The following BCKDHA variants were observed in gnomAD, a reference collection of about 807,000 sequenced individuals.
BCKDHA encodes the protein branched chain keto acid dehydrogenase E1 subunit alpha, also known as 2-oxoisovalerate dehydrogenase subunit alpha, mitochondrial.
Under a neutral mutation model 52.2 loss-of-function variants are expected in BCKDHA, and 43 were observed. The ratio of observed to expected loss-of-function variants is 0.82; its 90% CI spans 0.64 to 1.06. The LOEUF (loss-of-function observed/expected upper bound fraction) is 1.06. Ranked by LOEUF, BCKDHA falls within the 50% of genes least tolerant of loss-of-function variation. The probability of loss-of-function intolerance (pLI) is 0.00; values close to 1 mark genes in which losing one functional copy is unlikely to be tolerated. For missense variants in BCKDHA, 527 were observed against 621.3 expected, an observed-to-expected ratio of 0.85 and a Z score of 1.61; for synonymous variants, 234 against 247.9, an observed-to-expected ratio of 0.94 and a Z score of 0.53.
chr19:41,399,864 C>T (rs1313072042), intron 1 of BCKDHA: 2 of 151,964 alleles, frequency 1.3e-5, no homozygotes, highest in African/African-American at 2.4e-5. Context: ...TGACTTACTG[C>T]AATCTCTGCC....
chr19:41,409,862 G>C (rs183261880), intron 1 of BCKDHA, among the ~76,000 whole-genome samples: 42 of 145,110 alleles, frequency 2.9e-4, no homozygotes, highest in Middle Eastern at 3.7e-3. Flanking sequence ...GTGCTATGGC[G>C]CAATCTCGGC....
rs574763465 is a variant in BCKDHA at position 41,418,348 on chromosome 19, T to C, written c.485-787T>C. Among the ~76,000 whole-genome samples, 200 of 152,244 alleles carry C rather than the reference T, an allele frequency of 1.3e-3. 3 individuals are homozygous for C. Among genetic ancestry groups the C allele is most frequent in the African/African-American group, 4.5e-3 (185 of 41,540 alleles). On this transcript the variant is annotated intron_variant, in intron 4 of 8. Coordinates refer to ENST00000269980, the MANE Select transcript of BCKDHA (RefSeq NM_000709.4). ...TGTCTGAGGGCAATCACAAACCCCC[T>C]TCTGTCTTCTAACTTCGGAGGAAGG...
rs886042356 is a variant in BCKDHA, at chr19:41,419,215, C to T, written c.565C>T (p.Arg189Cys). 10 of 1,614,104 alleles carry T rather than the reference C, an allele frequency of 6.2e-6. No individual in the cohort carries two copies. The highest frequency in any genetic ancestry group is 1.6e-4 in the Middle Eastern group (1 of 6,084). ...YGNISDLGKG[R>C]QMPVHYGCKE... ...CAACATCAGTGACTTGGGCAAGGGG[C>T]GCCAGATGCCTGTCCACTACGGCTG... is the stretch of plus-strand genomic sequence containing the variant. Residue 189 changes from arginine to cysteine, a missense_variant, in exon 5 of 9, where the codon CGC becomes TGC. Arg to Cys is a radical substitution (Grantham distance 180, BLOSUM62 -3). Coordinates refer to ENST00000269980, the MANE Select transcript of BCKDHA (RefSeq NM_000709.4).
chr19:41,423,619 G>A lies in BCKDHA; in HGVS notation c.1167+450G>A, dbSNP rs538508939. ...GGCCAAGGCGGACAGATCACCTGAG[G>A]TCGGGAGTTTGAGACCAGCCTGGCC... On this transcript the variant is annotated intron_variant, in intron 8 of 8. Coordinates refer to ENST00000269980, the MANE Select transcript of BCKDHA (RefSeq NM_000709.4). Among the ~76,000 whole-genome samples, 42 of 152,328 alleles carry A rather than the reference G, an allele frequency of 2.8e-4. 1 individual carries two copies. In the South Asian group the frequency reaches 8.3e-3, roughly 30 times the overall value.
chr19:41,416,598 G>T (rs758085270), intron 4 of BCKDHA, among the ~76,000 whole-genome samples: 34 of 152,200 alleles, frequency 2.2e-4, no homozygotes, highest in Non-Finnish European at 3.2e-4. Flanking sequence ...CACTGGCAGG[G>T]AGTGGCGCCC....
At chr19:41,399,227 A>G (rs2039109763) in intron 1 of BCKDHA, 1 of 152,102 alleles carries the variant, frequency 6.6e-6, no homozygotes, top group Non-Finnish European at 1.5e-5. Flanking sequence ...AGGACGTAGT[A>G]GGTATCTAGG....
At chr19:41,419,045 C>CT in intron 4 of BCKDHA, 90 bp from the exon 5 acceptor site, 1 of 1,492,414 alleles carries the variant, frequency 6.7e-7, no homozygotes, top group South Asian at 1.1e-5. Flanking sequence ...GCTTTCCTGT[C>CT]TGCCTGCCAG....
rs1025903374 is a variant in BCKDHA, at chr19:41,423,234, T to C, written c.1167+65T>C. Reference sequence around the variant, plus strand: ...TGCGGCCTGCAGAGCTTGGGAAGGATTTGTGGAACACCGAACTGGGAGGCT... The same window carrying C: ...TGCGGCCTGCAGAGCTTGGGAAGGACTTGTGGAACACCGAACTGGGAGGCT... On this transcript the variant is annotated intron_variant, in intron 8 of 8. Coordinates refer to ENST00000269980, the MANE Select transcript of BCKDHA (RefSeq NM_000709.4). 4.5e-6 allele frequency: 7 copies of C among 1,542,860 alleles called. No homozygotes were observed. The African/African-American group carries it at 6.9e-5, about 15-fold the overall frequency.
intron 4 of BCKDHA, among the ~76,000 whole-genome samples, chr19:41,417,651 G>A (rs889933846): frequency 1.3e-4 from 20 of 152,322 alleles, no homozygotes; most frequent in African/African-American, 4.6e-4. Context: ...TGGGCTGGGC[G>A]TGGTGGCTCA....
chr19:41,419,178 C>A lies in BCKDHA; in HGVS notation c.528C>A (p.Ala176=), dbSNP rs755611354. Reference sequence around the variant, plus strand: ...ACTACCCCCTGGAACTATTCATGGCCCAGTGCTATGGCAACATCAGTGACT... The same window carrying A: ...ACTACCCCCTGGAACTATTCATGGCACAGTGCTATGGCAACATCAGTGACT... ...YRDYPLELFM[A]QCYGNISDLG... The change falls in exon 5 of 9, where the codon GCC becomes GCA. Residue 176 remains alanine (A), a synonymous_variant. Transcript: ENST00000269980. The A allele has an allele frequency of 2.4e-5, 39 of 1,614,100 alleles. No individual in the cohort carries two copies. The highest frequency in any genetic ancestry group is 1.6e-4 in the Middle Eastern group (1 of 6,084).
At chr19:41,404,391 G>A (rs2039170598) in intron 1 of BCKDHA, among the ~76,000 whole-genome samples, 3 of 151,864 alleles carry the variant, frequency 2.0e-5, no homozygotes, top group Admixed American at 6.6e-5. Flanking sequence ...CCAGGTTGAC[G>A]CCATTCTCCT....
Position 41,406,523 on chromosome 19 carries a change from G to A in BCKDHA, c.109-4114G>A, listed in dbSNP as rs992032021. On this transcript the variant is annotated intron_variant, in intron 1 of 8. Coordinates refer to ENST00000269980, the MANE Select transcript of BCKDHA (RefSeq NM_000709.4). ...AGCCATCCTCTCACCTCAGCCTCCC[G>A]CAACTCCAGTATCTGGACTACATGT... is the stretch of plus-strand genomic sequence containing the variant. Among the ~76,000 whole-genome samples, 5 of 149,596 alleles carry A rather than the reference G, an allele frequency of 3.3e-5. No individual in the cohort carries two copies. In the East Asian group the frequency reaches 5.9e-4, roughly 18 times the overall value.
Position 41,422,288 on chromosome 19 carries a change from G to A in BCKDHA, c.771G>A (p.Glu257=). The A allele has an allele frequency of 6.2e-7, 1 of 1,614,238 alleles. No individual in the cohort carries two copies. The highest frequency in any genetic ancestry group is 8.5e-7 in the Non-Finnish European group (1 of 1,180,030). The part of the protein sequence containing the change: ...HAGFNFAATL[E]CPIIFFCRNN... ...GCTTCAACTTCGCTGCCACACTTGA[G>A]TGCCCCATCATCTTCTTCTGCCGGA... The change falls in exon 6 of 9, where the codon GAG becomes GAA. Residue 257 remains glutamate (E), a synonymous_variant. Coordinates refer to ENST00000269980, the MANE Select transcript of BCKDHA (RefSeq NM_000709.4).
At chr19:41,416,100 T>G (rs2039305437) in intron 4 of BCKDHA, among the ~76,000 whole-genome samples, 1 of 152,068 alleles carries the variant, frequency 6.6e-6, no homozygotes, top group Non-Finnish European at 1.5e-5. Context: ...TGCACCACCA[T>G]GCCTGGCTAA....
At position 41,424,578 on chromosome 19, in the gene BCKDHA, GCACTACC is replaced by G. The variant is rs2039407382; in HGVS notation, c.1313_1319del (p.Tyr438TrpfsTer45). On this transcript the variant is annotated frameshift_variant, in exon 9 of 9. Coordinates refer to ENST00000269980, the MANE Select transcript of BCKDHA (RefSeq NM_000709.4). LOFTEE classifies it high-confidence loss of function. ...CCCGCCACCTGCAGACCTACGGGGAGCACTACCCACTGGATCACTTCGATAAGTGAGA... is the reference window on the plus strand; with the variant it reads ...CCCGCCACCTGCAGACCTACGGGGAGCACTGGATCACTTCGATAAGTGAGA... The G allele has an allele frequency of 6.2e-7, 1 of 1,612,780 alleles. No homozygotes were observed.
chr19:41,399,681 C>G (rs1203288803), intron 1 of BCKDHA: 3 of 151,422 alleles, frequency 2.0e-5, no homozygotes, highest in Admixed American at 6.6e-5. Flanking sequence ...CTCCTCTCCT[C>G]TCCTCCCCTC....
chr19:41,424,742 C>T lies in BCKDHA; in HGVS notation c.*134C>T, dbSNP rs150173947. The T allele has an allele frequency of 3.2e-4, 326 of 1,021,890 alleles. No individual in the cohort carries two copies. The East Asian group carries it at 5.9e-3, about 18-fold the overall frequency. 63.3% of individuals were successfully genotyped at this position (1,021,890 alleles called of 1,614,324 possible). On this transcript the variant is annotated 3_prime_UTR_variant, in exon 9 of 9. Transcript: ENST00000269980. ...CCTCTAAAATACTCAGCGGCCAGGG[C>T]GGCTGCCACTCTTCACCCCTGCTCC...
At chr19:41,398,861 T>C (rs1330613720) in intron 1 of BCKDHA, among the ~76,000 whole-genome samples, 2 of 152,118 alleles carry the variant, frequency 1.3e-5, no homozygotes, top group Non-Finnish European at 2.9e-5. Context: ...TCTCTGGATC[T>C]ATGGAGCTAA....
intron 3 of BCKDHA, 30 bp downstream of exon 3, chr19:41,411,039 G>C (rs748582297): frequency 6.8e-6 from 11 of 1,609,882 alleles, no homozygotes; most frequent in African/African-American, 1.3e-5. Flanking sequence ...GGGGCGGGGG[G>C]CTGGAATTAC....
Sources: gnomAD v4.1 joint callset for allele counts (sites outside exome capture counted in the v4.1 genomes callset) on GRCh38, gnomAD v4.1.1 for gene constraint, MANE v1.5 for transcripts, NCBI Gene and HGNC (gene_info 2026-07-23, HGNC 2026-07-21) for gene names.